The following HYCC2 variants were observed in gnomAD, a reference collection of about 807,000 sequenced individuals.
The protein encoded by HYCC2 is hyccin 2.
the HYCC2 span, among the ~76,000 whole-genome samples, chr2:201,028,983 G>A: frequency 6.6e-6 from 1 of 152,140 alleles, no homozygotes. Flanking sequence ...AAGAGCTTCT[G>A]CACAGCAAAA....
chr2:201,007,667 G>A, the HYCC2 span, among the ~76,000 whole-genome samples: 2 of 152,158 alleles, frequency 1.3e-5, no homozygotes, highest in Admixed American at 1.3e-4. Context: ...AGAACTTCAG[G>A]CCGGACTGAC....
chr2:201,007,797 G>A, the HYCC2 span, among the ~76,000 whole-genome samples: 1 of 152,056 alleles, frequency 6.6e-6, no homozygotes, highest in South Asian at 2.1e-4. Flanking sequence ...AACCAAGTAG[G>A]CAATCAACCT....
chr2:201,023,776 A>C, the HYCC2 span: 1 of 515,120 alleles, frequency 1.9e-6, no homozygotes, highest in Non-Finnish European at 3.5e-6. Context: ...TATTCATATT[A>C]GTACCATTTT....
At chr2:200,973,811 ATC>A in the HYCC2 span, 1 of 152,170 alleles carries the variant, frequency 6.6e-6, no homozygotes, top group African/African-American at 2.4e-5. Flanking sequence ...TAAATTACAC[ATC>A]TCTCAAACAC....
At chr2:200,996,445 T>C in the HYCC2 span, 6 of 152,042 alleles carry the variant, frequency 3.9e-5, no homozygotes, top group African/African-American at 9.7e-5. Context: ...CTGTGCAACA[T>C]TGTGAAACCT....
At chr2:201,061,842 A>C in the HYCC2 span, among the ~76,000 whole-genome samples, 1 of 152,164 alleles carries the variant, frequency 6.6e-6, no homozygotes, top group Non-Finnish European at 1.5e-5. Context: ...GCAGTGGCTT[A>C]CACCTGTAAT....
chr2:201,006,168 C>T, the HYCC2 span, among the ~76,000 whole-genome samples: 3 of 147,668 alleles, frequency 2.0e-5, no homozygotes, highest in African/African-American at 7.6e-5. Context: ...TGCTCTGTCA[C>T]CCAGGCTGGA....
the HYCC2 span, among the ~76,000 whole-genome samples, chr2:201,016,333 G>A: frequency 6.6e-6 from 1 of 152,046 alleles, no homozygotes; most frequent in African/African-American, 2.4e-5. Context: ...CTCTTGCCCA[G>A]GCTTGAGCAC....
chr2:201,042,738 G>C, the HYCC2 span, among the ~76,000 whole-genome samples: 1 of 151,194 alleles, frequency 6.6e-6, no homozygotes, highest in African/African-American at 2.4e-5. Context: ...CCGTCCGGGA[G>C]GTGGGGGGCA....
chr2:201,024,190 T>C, the HYCC2 span, among the ~76,000 whole-genome samples: 10 of 152,008 alleles, frequency 6.6e-5, no homozygotes, highest in Non-Finnish European at 5.9e-5. Context: ...TAAAAGAAAA[T>C]TTTTCAGAAG....
At chr2:201,050,556 C>T in the HYCC2 span, among the ~76,000 whole-genome samples, 1 of 149,894 alleles carries the variant, frequency 6.7e-6, no homozygotes, top group Non-Finnish European at 1.5e-5. Context: ...CACGCCACTG[C>T]ACTCCAGCCT....
the HYCC2 span, chr2:201,011,340 A>T: frequency 9.4e-7 from 1 of 1,063,850 alleles, no homozygotes; most frequent in Non-Finnish European, 1.4e-6. Flanking sequence ...TGACTTTTTG[A>T]TTTGTTACTC....
chr2:201,000,057 C>CA, the HYCC2 span, among the ~76,000 whole-genome samples: 1,904 of 34,050 alleles, frequency 0.056, 83 homozygotes, highest in African/African-American at 0.11. Flanking sequence ...GACTCCGTCT[C>CA]AAAAAAAAAA....
At chr2:201,057,507 T>C in the HYCC2 span, among the ~76,000 whole-genome samples, 3 of 152,342 alleles carry the variant, frequency 2.0e-5, no homozygotes, top group Non-Finnish European at 4.4e-5. Context: ...AACAAATCTC[T>C]CTTTTTCAAA....
the HYCC2 span, among the ~76,000 whole-genome samples, chr2:201,035,545 G>A: frequency 7.9e-5 from 12 of 152,156 alleles, no homozygotes; most frequent in African/African-American, 2.6e-4. Flanking sequence ...CCACGGGTTC[G>A]AACTTCCTCC....
chr2:201,001,913 C>A, the HYCC2 span, among the ~76,000 whole-genome samples: 1 of 152,070 alleles, frequency 6.6e-6, no homozygotes, highest in African/African-American at 2.4e-5. Flanking sequence ...CTCCAGTAAT[C>A]CACCTGCCTC....
the HYCC2 span, among the ~76,000 whole-genome samples, chr2:201,027,112 T>A: frequency 2.6e-5 from 4 of 151,818 alleles, no homozygotes; most frequent in African/African-American, 9.7e-5. Flanking sequence ...ATAGATGCAA[T>A]AAAAAATGAT....
At chr2:201,044,125 C>T in the HYCC2 span, among the ~76,000 whole-genome samples, 130 of 152,344 alleles carry the variant, frequency 8.5e-4, 1 homozygote, top group Non-Finnish European at 1.1e-3. Flanking sequence ...AGAACTCAAG[C>T]TGATATTCCA....
At chr2:201,027,403 C>G in the HYCC2 span, among the ~76,000 whole-genome samples, 2 of 152,154 alleles carry the variant, frequency 1.3e-5, no homozygotes, top group African/African-American at 4.8e-5. Context: ...GAGCTGGCAC[C>G]ATTCCTTCTA....
Sources: gnomAD v4.1 joint callset for allele counts (sites outside exome capture counted in the v4.1 genomes callset) on GRCh38, gnomAD v4.1.1 for gene constraint, MANE v1.5 for transcripts, NCBI Gene and HGNC (gene_info 2026-07-23, HGNC 2026-07-21) for gene names.